The following WDR49 variants were observed in gnomAD, a reference collection of about 807,000 sequenced individuals.
WDR49 encodes the protein WD repeat domain 49, also known as cilia- and flagella-associated protein 337.
WDR49 carries 107 observed loss-of-function variants against 119.5 expected under a neutral mutation model. That is an observed-to-expected ratio of 0.90 (90% confidence interval 0.77 to 1.05). WDR49 has a LOEUF of 1.05. Ranked by LOEUF, WDR49 falls within the 50% of genes least tolerant of loss-of-function variation. The pLI is 0.00. For synonymous variants in WDR49, 425 were observed against 418.8 expected (o/e 1.01, Z -0.18); for missense variants, 1,240 against 1,220.5 (o/e 1.02, Z -0.24).
chr3:167,596,338 A>G (rs1465379748), intron 7 of WDR49, among the ~76,000 whole-genome samples: 1 of 148,922 alleles, frequency 6.7e-6, no homozygotes, highest in Non-Finnish European at 1.5e-5. Context: ...TAGAACTAGA[A>G]ATACCATTTG....
At chr3:167,504,336 C>G (rs900096889) in intron 17 of WDR49, among the ~76,000 whole-genome samples, 1 of 152,210 alleles carries the variant, frequency 6.6e-6, no homozygotes, top group Non-Finnish European at 1.5e-5. Flanking sequence ...TGGCAGCCCA[C>G]CCCTGGTGCC....
intron 7 of WDR49, among the ~76,000 whole-genome samples, chr3:167,593,470 CTT>C (rs1715243608): frequency 6.6e-6 from 1 of 151,746 alleles, no homozygotes; most frequent in Non-Finnish European, 1.5e-5. Flanking sequence ...ATGTTAATGT[CTT>C]TGTTAAATTT....
At chr3:167,649,796 A>G (rs569584839) in intron 2 of WDR49, among the ~76,000 whole-genome samples, 4 of 152,296 alleles carry the variant, frequency 2.6e-5, no homozygotes, top group Admixed American at 2.6e-4. Context: ...GCTTCTAGGT[A>G]TAGTTAAAGC....
At chr3:167,561,430 C>G (rs891184501) in intron 8 of WDR49, among the ~76,000 whole-genome samples, 1 of 151,944 alleles carries the variant, frequency 6.6e-6, no homozygotes, top group Non-Finnish European at 1.5e-5. Flanking sequence ...CTTTAAAGAG[C>G]ATCACAGGTG....
chr3:167,637,508 TG>T (rs1483158227), intron 2 of WDR49, among the ~76,000 whole-genome samples: 5 of 151,826 alleles, frequency 3.3e-5, no homozygotes, highest in African/African-American at 1.2e-4. Context: ...ATTTTAGGAT[TG>T]TTTTTCCTAG....
chr3:167,580,003 TTG>T (rs1261586342), intron 7 of WDR49, among the ~76,000 whole-genome samples: 3 of 152,274 alleles, frequency 2.0e-5, no homozygotes, highest in African/African-American at 7.2e-5. Flanking sequence ...TCATTTTTCA[TTG>T]TGTTAAGTAA....
At chr3:167,632,131 G>A (rs2108331595) in intron 2 of WDR49, among the ~76,000 whole-genome samples, 1 of 152,030 alleles carries the variant, frequency 6.6e-6, no homozygotes, top group South Asian at 2.1e-4. Context: ...ATTACATAAT[G>A]GCATCAATCA....
chr3:167,508,133 T>C (rs1433088299), intron 16 of WDR49, among the ~76,000 whole-genome samples: 1 of 152,142 alleles, frequency 6.6e-6, no homozygotes, highest in Non-Finnish European at 1.5e-5. Flanking sequence ...ATAATGACTG[T>C]GACAATTACT....
intron 8 of WDR49, among the ~76,000 whole-genome samples, chr3:167,562,913 A>T (rs78080632): frequency 0.11 from 16,230 of 152,330 alleles, 1,122 homozygotes; most frequent in Non-Finnish European, 0.15. Context: ...CATAGCCATA[A>T]ATCATAAAAG....
intron 8 of WDR49, among the ~76,000 whole-genome samples, chr3:167,567,922 A>G (rs1215321730): frequency 1.3e-5 from 2 of 152,238 alleles, no homozygotes; most frequent in East Asian, 3.8e-4. Context: ...TTGTACAGCC[A>G]AAAGAATAGC....
At chr3:167,620,918 C>T (rs1262452065) in intron 4 of WDR49, among the ~76,000 whole-genome samples, 1 of 152,062 alleles carries the variant, frequency 6.6e-6, no homozygotes, top group Non-Finnish European at 1.5e-5. Flanking sequence ...ATTCTAGTTT[C>T]ATTCAGTAAG....
At chr3:167,598,420 TG>T (rs2108302653) in intron 7 of WDR49, among the ~76,000 whole-genome samples, 1 of 152,278 alleles carries the variant, frequency 6.6e-6, no homozygotes, top group East Asian at 1.9e-4. Flanking sequence ...CATCTCAAAT[TG>T]TAATCCCCAT....
rs1363158505 is a variant in WDR49, at chr3:167,653,254, C to T, written c.165+7G>A. 6.5e-7 allele frequency: 1 copy of T among 1,535,978 alleles called. No individual in the cohort carries two copies. Among genetic ancestry groups the T allele is most frequent in the Non-Finnish European group, 8.7e-7 (1 of 1,146,842 alleles). Reference sequence around the variant, plus strand: ...CAAACTATCTGGTCAATAAGCTTCACACTTACCTCAAAGGCCTTCTGTATT... The same window carrying T: ...CAAACTATCTGGTCAATAAGCTTCATACTTACCTCAAAGGCCTTCTGTATT... On this transcript the variant is annotated splice_region_variant and intron_variant, in intron 2 of 18. Transcript: ENST00000682715.
intron 7 of WDR49, among the ~76,000 whole-genome samples, chr3:167,584,172 GA>G (rs1714692127): frequency 6.6e-6 from 1 of 152,114 alleles, no homozygotes; most frequent in African/African-American, 2.4e-5. Context: ...GAGTAATAGA[GA>G]AAGTGGCCTC....
chr3:167,591,085 T>C (rs1264093229), intron 7 of WDR49, among the ~76,000 whole-genome samples: 1 of 152,066 alleles, frequency 6.6e-6, no homozygotes, highest in Non-Finnish European at 1.5e-5. Flanking sequence ...CTGTATCCCA[T>C]AGGTTTTGGT....
At chr3:167,576,217 T>G (rs1714245554) in intron 7 of WDR49, 66 bp from the exon 8 acceptor site, 3 of 1,430,792 alleles carry the variant, frequency 2.1e-6, no homozygotes, top group Non-Finnish European at 2.9e-6. Context: ...AGCCAATTTT[T>G]TTTCTAGCTC....
At chr3:167,480,247 TA>T (rs1162973369) in intron 18 of WDR49, among the ~76,000 whole-genome samples, 14,721 of 55,092 alleles carry the variant, frequency 0.27, 664 homozygotes, top group African/African-American at 0.29. Context: ...AGACTCTGTC[TA>T]AAAAAAAAAA....
intron 7 of WDR49, among the ~76,000 whole-genome samples, chr3:167,598,706 G>A (rs1715616754): frequency 6.6e-6 from 1 of 152,190 alleles, no homozygotes; most frequent in Non-Finnish European, 1.5e-5. Context: ...GTTCTTTGTA[G>A]CAGTGTGAAA....
intron 5 of WDR49, among the ~76,000 whole-genome samples, chr3:167,614,999 C>T (rs1381726463): frequency 6.6e-6 from 1 of 152,224 alleles, no homozygotes; most frequent in African/African-American, 2.4e-5. Flanking sequence ...TGAATCCATC[C>T]TGCCTTTCCT....
Sources: gnomAD v4.1 joint callset for allele counts (sites outside exome capture counted in the v4.1 genomes callset) on GRCh38, gnomAD v4.1.1 for gene constraint, MANE v1.5 for transcripts, NCBI Gene and HGNC (gene_info 2026-07-23, HGNC 2026-07-21) for gene names.